THADA: variants seen among roughly 807,000 people sequenced by gnomAD.
The protein encoded by THADA is THADA armadillo repeat containing, also known as tRNA (32-2'-O)-methyltransferase regulator THADA.
A neutral mutation model predicts 219.8 loss-of-function variants in THADA; 213 were observed. The observed-to-expected ratio is 0.97, with a 90% CI of 0.87 to 1.09. The LOEUF (loss-of-function observed/expected upper bound fraction) is 1.09. THADA is among the 50% of genes least tolerant of loss of function. The pLI is 0.00. For missense variants in THADA, 2,956 were observed against 2,311.3 expected, an observed-to-expected ratio of 1.28 and a Z score of -5.72; for synonymous variants, 1,018 against 828.9, an observed-to-expected ratio of 1.23 and a Z score of -3.92.
At chr2:43,284,105 G>A (rs1673696077) in intron 35 of THADA, among the ~76,000 whole-genome samples, 1 of 152,202 alleles carries the variant, frequency 6.6e-6, no homozygotes, top group Non-Finnish European at 1.5e-5. Context: ...CTCAAACCCA[G>A]GAAGTAGAGG....
chr2:43,535,077 T>C (rs13413163), intron 21 of THADA, among the ~76,000 whole-genome samples: 4,673 of 152,124 alleles, frequency 0.031, 265 homozygotes, highest in African/African-American at 0.11. Context: ...TGGTTTTGAT[T>C]TGCATTTCCC....
In THADA at chr2:43,552,240, T is replaced by G. The variant is rs1466186796; in HGVS notation, c.2774A>C (p.His925Pro). 6 of 1,611,338 alleles carry G rather than the reference T, an allele frequency of 3.7e-6. No homozygotes were observed. Among genetic ancestry groups the G allele is most frequent in the Non-Finnish European group, 5.1e-6 (6 of 1,179,204 alleles). Residue 925 changes from histidine (H) to proline (P), a missense_variant, in exon 18 of 38, where the codon CAC becomes CCC. Physicochemically the swap from His to Pro is moderately conservative, Grantham distance 77 (BLOSUM62 -2). Coordinates refer to ENST00000405975, the MANE Select transcript of THADA (RefSeq NM_022065.5). ...CTTCTGCAAAGCTCCTGTTATACAG[T>G]GGACTCGCCCATACATTGGAAATGC... ...AAAFPMYGRV[H>P]CITGALQKLS...
chr2:43,410,578 C>A (rs1676158444), intron 28 of THADA, among the ~76,000 whole-genome samples: 1 of 152,150 alleles, frequency 6.6e-6, no homozygotes. Flanking sequence ...ACGGATATAC[C>A]TAACAACATG....
intron 30 of THADA, among the ~76,000 whole-genome samples, chr2:43,338,857 T>A (rs1666770944): frequency 6.6e-6 from 1 of 152,220 alleles, no homozygotes. Context: ...GTCTGTTGGG[T>A]ATGTATTCAA....
intron 31 of THADA, among the ~76,000 whole-genome samples, chr2:43,300,760 A>T (rs1676164281): frequency 6.6e-6 from 1 of 152,210 alleles, no homozygotes; most frequent in South Asian, 2.1e-4. Context: ...ATCAAGTGAC[A>T]TTCATTTAGG....
At chr2:43,515,108 AT>A (rs1301685209) in intron 22 of THADA, among the ~76,000 whole-genome samples, 1 of 29,362 alleles carries the variant, frequency 3.4e-5, no homozygotes, top group Admixed American at 7.2e-4. Flanking sequence ...TATATAATAT[AT>A]TTTATATATA....
chr2:43,331,340 G>C (rs749162623), intron 30 of THADA, among the ~76,000 whole-genome samples: 17 of 152,214 alleles, frequency 1.1e-4, no homozygotes, highest in Non-Finnish European at 1.8e-4. Flanking sequence ...CAGGTGACAA[G>C]GACTGCTAAT....
At chr2:43,467,793 G>A (rs1446812645) in intron 26 of THADA, among the ~76,000 whole-genome samples, 6 of 140,620 alleles carry the variant, frequency 4.3e-5, no homozygotes, top group South Asian at 2.3e-4. Flanking sequence ...CTGACTAAAC[G>A]ATCTACACTG....
intron 36 of THADA, among the ~76,000 whole-genome samples, chr2:43,249,091 C>CT (rs927588806): frequency 1.4e-4 from 21 of 148,808 alleles, no homozygotes; most frequent in East Asian, 3.9e-4. Context: ...GGTAGCCTTC[C>CT]TTTTTTTTTT....
At chr2:43,413,317 ACCC>A (rs1017588296) in intron 28 of THADA, among the ~76,000 whole-genome samples, 67 of 151,982 alleles carry the variant, frequency 4.4e-4, no homozygotes, top group African/African-American at 1.6e-3. Flanking sequence ...TAGTCCTAAA[ACCC>A]CACCACCACC....
intron 29 of THADA, among the ~76,000 whole-genome samples, chr2:43,369,405 T>C (rs72879242): frequency 1.1e-3 from 165 of 152,362 alleles, no homozygotes; most frequent in African/African-American, 3.8e-3. Flanking sequence ...GTGCTCTTCA[T>C]GGTCCTTTAA....
In THADA at chr2:43,264,849, G is replaced by A. The variant is rs539839747; in HGVS notation, c.5296+14916C>T. Among the ~76,000 whole-genome samples, 93 of 152,326 alleles carry A rather than the reference G, an allele frequency of 6.1e-4. 1 individual carries two copies. Among genetic ancestry groups the A allele is most frequent in the African/African-American group, 2.1e-3 (88 of 41,570 alleles). On this transcript the variant is annotated intron_variant, in intron 36 of 37. Coordinates refer to ENST00000405975, the MANE Select transcript of THADA (RefSeq NM_022065.5). ...ACCCATCTCTGAGTTCTACAGTACC[G>A]TGAACATGACAACCATTTCCAGCAA...
chr2:43,443,155 C>T (rs1681059659), intron 26 of THADA, among the ~76,000 whole-genome samples: 1 of 152,158 alleles, frequency 6.6e-6, no homozygotes, highest in African/African-American at 2.4e-5. Flanking sequence ...ACTTCATTTT[C>T]TCCACAATAT....
intron 25 of THADA, chr2:43,492,438 T>C (rs1011250202): frequency 5.3e-5 from 8 of 152,206 alleles, no homozygotes; most frequent in Non-Finnish European, 8.8e-5. Context: ...GCTTTTCTTA[T>C]ATAATAGAAA....
rs748153743 is a variant in THADA, at chr2:43,574,728, C to A, written c.1337G>T (p.Arg446Leu). The stretch of plus-strand genomic sequence containing the variant: ...CTTTCCTTTAATATGCCATTCCAAT[C>A]GTAAAAGACTCTCAGTCAATTCCAC... ...FFVELTESLLRLEWHIKGKYT... is the reference protein window; with the variant it reads ...FFVELTESLLLLEWHIKGKYT... The change falls in exon 11 of 38, where the codon CGA becomes CTA. Residue 446 changes from arginine (R) to leucine (L), a missense_variant. Physicochemically the swap from Arg to Leu is moderately radical, Grantham distance 102. Coordinates refer to ENST00000405975, the MANE Select transcript of THADA (RefSeq NM_022065.5). 3.7e-5 allele frequency: 59 copies of A among 1,613,866 alleles called. No homozygotes were observed. The highest frequency in any genetic ancestry group is 4.7e-5 in the Non-Finnish European group (55 of 1,179,890).
chr2:43,265,982 CACACACACAG>C lies in THADA; in HGVS notation c.5296+13773_5296+13782del, dbSNP rs1196814895. Among the ~76,000 whole-genome samples, 117 of 118,440 alleles carry C rather than the reference CACACACACAG, an allele frequency of 9.9e-4. 1 individual carries two copies. Among genetic ancestry groups the C allele is most frequent in the African/African-American group, 3.2e-3 (93 of 28,846 alleles). 77.7% of individuals were successfully genotyped at this position (118,440 alleles called of 152,430 possible). A position where few individuals can be genotyped will look rare whatever the true frequency, so the allele number is the denominator to read the frequency against. ...ACACACACACACACACACACACACA[CACACACACAG>C]ACTCTTGAGGGTCTGAAGCAGAACC... On this transcript the variant is annotated intron_variant, in intron 36 of 37. Coordinates refer to ENST00000405975, the MANE Select transcript of THADA (RefSeq NM_022065.5).
Position 43,590,811 on chromosome 2 carries a change from CT to C in THADA, c.302+12del, listed in dbSNP as rs35899859. On this transcript the variant is annotated intron_variant, in intron 4 of 37. Coordinates refer to ENST00000405975, the MANE Select transcript of THADA (RefSeq NM_022065.5). ...CATTTATAACACCCAACTTCCCTTC[CT>C]TTTTTTCTTACCTTGCCAATACTTT... 314,187 of 1,608,274 alleles carry C rather than the reference CT, an allele frequency of 0.2. 31,612 individuals are homozygous for C. Among genetic ancestry groups the C allele is most frequent in the East Asian group, 0.27 (12,296 of 44,748 alleles).
At chr2:43,342,553 C>T (rs894706545) in intron 30 of THADA, among the ~76,000 whole-genome samples, 3 of 152,294 alleles carry the variant, frequency 2.0e-5, no homozygotes, top group South Asian at 2.1e-4. Flanking sequence ...CTGCCTATGC[C>T]GTTACCTAAG....
rs1329989467 is a variant in THADA, at chr2:43,442,090, G to A, written c.3837-11788C>T. Among the ~76,000 whole-genome samples the A allele has an allele frequency of 2.6e-5, 4 of 152,124 alleles. No individual in the cohort carries two copies. The East Asian group carries it at 7.7e-4, about 29-fold the overall frequency. On this transcript the variant is annotated intron_variant, in intron 26 of 37. Coordinates refer to ENST00000405975, the MANE Select transcript of THADA (RefSeq NM_022065.5). Reference sequence around the variant, plus strand: ...TATTTACAATAAGAGTTTGGAGTTGGAAAATATATCATTTGGGTCGGGGAC... The same window carrying A: ...TATTTACAATAAGAGTTTGGAGTTGAAAAATATATCATTTGGGTCGGGGAC...
Sources: gnomAD v4.1 joint callset for allele counts (sites outside exome capture counted in the v4.1 genomes callset) on GRCh38, gnomAD v4.1.1 for gene constraint, MANE v1.5 for transcripts, NCBI Gene and HGNC (gene_info 2026-07-23, HGNC 2026-07-21) for gene names.